ABCD3: variants seen among roughly 807,000 people sequenced by gnomAD.
The protein encoded by ABCD3 is ATP-binding cassette sub-family D member 3.
Under a neutral mutation model 105.5 loss-of-function variants are expected in ABCD3, and 41 were observed. The ratio of observed to expected loss-of-function variants is 0.39; its 90% CI spans 0.30 to 0.50. The LOEUF (loss-of-function observed/expected upper bound fraction) is 0.50. Among genes scored for constraint, ABCD3 ranks in the 20% least tolerant of loss-of-function variants. The pLI is 0.84. For synonymous variants in ABCD3, 258 were observed against 269.0 expected (o/e 0.96, Z 0.40); for missense variants, 622 against 806.3 (o/e 0.77, Z 2.77).
At position 94,478,569 on chromosome 1, in the gene ABCD3, G is replaced by C. The variant is rs193083624; in HGVS notation, c.684+254G>C. ...GCATTAAAAACCAGACAAATGTATT[G>C]GCCAGGCGTGGTGGCTCATGCCTGT... On this transcript the variant is annotated intron_variant, in intron 8 of 22. Transcript: ENST00000370214. 727 of 1,588,242 alleles carry C rather than the reference G, an allele frequency of 4.6e-4. 1 individual carries two copies. The highest frequency in any genetic ancestry group is 1.3e-3 in the Middle Eastern group (6 of 4,570).
At chr1:94,418,317 C>T (rs770324298), upstream of ABCD3, 7 of 488,452 alleles carry the variant, frequency 1.4e-5, no homozygotes, top group Non-Finnish European at 2.0e-5. Flanking sequence ...AAGTGGGCTC[C>T]AGAGCGCGGG....
intron 20 of ABCD3, among the ~76,000 whole-genome samples, chr1:94,500,279 CA>C (rs201911490): frequency 6.6e-6 from 1 of 150,994 alleles, no homozygotes; most frequent in Non-Finnish European, 1.5e-5. Flanking sequence ...CCTTTCTCTA[CA>C]AAAAAAAATT....
chr1:94,391,812 G>T, the ABCD3 span, among the ~76,000 whole-genome samples: 2 of 152,156 alleles, frequency 1.3e-5, no homozygotes, highest in African/African-American at 2.4e-5. Flanking sequence ...CATCTGATTG[G>T]TTGCAGAAAG....
At chr1:94,473,936 C>A in intron 5 of ABCD3, 101 bp downstream of exon 5, 1 of 847,746 alleles carries the variant, frequency 1.2e-6, no homozygotes, top group Non-Finnish European at 1.9e-6. Flanking sequence ...ACTTATGATA[C>A]TAAGTTCCTA....
intron 1 of ABCD3, chr1:94,432,573 T>G (rs1659726783): frequency 6.6e-6 from 1 of 152,232 alleles, no homozygotes; most frequent in East Asian, 1.9e-4. Context: ...CTTTTTATTG[T>G]CTTCATTTTA....
chr1:94,503,906 CTTTTTTTTTTTTT>C (rs71097203), intron 20 of ABCD3, among the ~76,000 whole-genome samples: 2 of 69,804 alleles, frequency 2.9e-5, no homozygotes, highest in African/African-American at 5.6e-5. Context: ...ACAAGTGATT[CTTTTTTTTTTTTT>C]TTTTTTTTTT....
chr1:94,502,230 A>G lies in ABCD3; in HGVS notation c.1740+2616A>G, dbSNP rs1263158205. Among the ~76,000 whole-genome samples the G allele has an allele frequency of 4.6e-5, 7 of 152,188 alleles. No homozygotes were observed. In the East Asian group the frequency reaches 7.7e-4, roughly 17 times the overall value. Reference sequence around the variant, plus strand: ...GCATGGCTTAGCAATCATTTTACTTATTTTTATCCTTCTCTCATTTTTCAT... The same window carrying G: ...GCATGGCTTAGCAATCATTTTACTTGTTTTTATCCTTCTCTCATTTTTCAT... On this transcript the variant is annotated intron_variant, in intron 20 of 22. Coordinates refer to ENST00000370214, the MANE Select transcript of ABCD3 (RefSeq NM_002858.4).
chr1:94,458,169 C>A (rs1293098625), intron 1 of ABCD3, among the ~76,000 whole-genome samples: 2 of 152,118 alleles, frequency 1.3e-5, no homozygotes. Context: ...GAAGACTAGC[C>A]TAGGATTGCT....
chr1:94,503,429 A>C (rs1343257710), intron 20 of ABCD3, among the ~76,000 whole-genome samples: 1 of 152,120 alleles, frequency 6.6e-6, no homozygotes, highest in Non-Finnish European at 1.5e-5. Flanking sequence ...TGAGAAAGGC[A>C]AATACTTCCA....
At chr1:94,514,162 G>A (rs1650817642) in intron 21 of ABCD3, 1 of 152,008 alleles carries the variant, frequency 6.6e-6, no homozygotes, top group Non-Finnish European at 1.5e-5. Context: ...GATCCACTTG[G>A]AGGAACAGTG....
chr1:94,408,798 T>C, the ABCD3 span, among the ~76,000 whole-genome samples: 2 of 152,100 alleles, frequency 1.3e-5, no homozygotes, highest in African/African-American at 4.8e-5. Flanking sequence ...GAGACTGACA[T>C]GATCATAATT....
upstream of ABCD3, among the ~76,000 whole-genome samples, chr1:94,417,076 T>G (rs1659047361): frequency 1.3e-5 from 2 of 152,194 alleles, no homozygotes; most frequent in Non-Finnish European, 2.9e-5. Flanking sequence ...CTCCTATTAA[T>G]TTTTTCTTCT....
chr1:94,506,234 T>C (rs546871666), intron 20 of ABCD3, among the ~76,000 whole-genome samples: 11 of 152,244 alleles, frequency 7.2e-5, no homozygotes, highest in African/African-American at 2.4e-4. Context: ...TGTAATCTTA[T>C]TTGTTTAGTG....
chr1:94,450,355 C>T (rs947773203), intron 1 of ABCD3, among the ~76,000 whole-genome samples: 8 of 152,210 alleles, frequency 5.3e-5, no homozygotes, highest in Non-Finnish European at 4.4e-5. Context: ...CAAAACTGGC[C>T]ATAAACAAAA....
At chr1:94,512,065 G>A (rs12404710) in intron 21 of ABCD3, among the ~76,000 whole-genome samples, 3 of 151,672 alleles carry the variant, frequency 2.0e-5, no homozygotes, top group Non-Finnish European at 2.9e-5. Context: ...GAGGAGAGGC[G>A]CTCTGCTTTT....
At chr1:94,505,336 T>C (rs1400955855) in intron 20 of ABCD3, among the ~76,000 whole-genome samples, 2 of 151,618 alleles carry the variant, frequency 1.3e-5, no homozygotes, top group East Asian at 3.9e-4. Context: ...TCCTGAGTAG[T>C]TGGAACCACA....
intron 1 of ABCD3, among the ~76,000 whole-genome samples, chr1:94,430,744 C>T (rs965694361): frequency 6.6e-6 from 1 of 152,080 alleles, no homozygotes; most frequent in Non-Finnish European, 1.5e-5. Context: ...AACATGGTGT[C>T]TCAGAGGATA....
At chr1:94,493,074 A>G (rs1230704174) in intron 16 of ABCD3, among the ~76,000 whole-genome samples, 1 of 152,006 alleles carries the variant, frequency 6.6e-6, no homozygotes, top group Non-Finnish European at 1.5e-5. Context: ...AGCAATGGCA[A>G]CAAAAGCCAA....
chr1:94,455,574 C>G (rs1003581800), intron 1 of ABCD3, among the ~76,000 whole-genome samples: 1 of 152,158 alleles, frequency 6.6e-6, no homozygotes. Flanking sequence ...ATCCTCCCAC[C>G]TTAACCTCCC....
Sources: allele counts gnomAD v4.1 joint callset (sites outside exome capture counted in the v4.1 genomes callset), GRCh38; gene constraint gnomAD v4.1.1; transcripts MANE v1.5; gene names NCBI Gene and HGNC (gene_info 2026-07-23, HGNC 2026-07-21).